The following IL7 variants were observed in gnomAD, a reference collection of about 807,000 sequenced individuals.
The protein encoded by IL7 is interleukin 7.
A neutral mutation model predicts 21.6 loss-of-function variants in IL7; 3 were observed. The ratio of observed to expected loss-of-function variants is 0.14; its 90% confidence interval spans 0.06 to 0.36. The LOEUF (loss-of-function observed/expected upper bound fraction) is 0.36, where lower values mean the gene tolerates loss of function less well. IL7 is among the 10% of genes least tolerant of loss of function. The pLI, the probability that IL7 is intolerant of heterozygous loss-of-function variation, is 1.00. For missense variants in IL7, 175 were observed against 200.2 expected, an observed-to-expected ratio of 0.87 and a Z score of 0.76; for synonymous variants, 62 against 68.1, an observed-to-expected ratio of 0.91 and a Z score of 0.44.
intron 3 of IL7, among the ~76,000 whole-genome samples, chr8:78,701,171 G>A (rs924880703): frequency 6.6e-6 from 1 of 152,104 alleles, no homozygotes; most frequent in Non-Finnish European, 1.5e-5. Flanking sequence ...ATTTCTTTGA[G>A]CATTGGCTTG....
At chr8:78,783,011 C>G (rs1813391389) in intron 2 of IL7, among the ~76,000 whole-genome samples, 1 of 150,080 alleles carries the variant, frequency 6.7e-6, no homozygotes, top group African/African-American at 2.5e-5. Flanking sequence ...CCTCCTGGAT[C>G]TGAACCACCC....
chr8:78,800,363 T>G (rs1412567433), intron 1 of IL7, among the ~76,000 whole-genome samples: 1 of 152,132 alleles, frequency 6.6e-6, no homozygotes, highest in South Asian at 2.1e-4. Context: ...AGTGGCATGA[T>G]CATAGCTCAC....
rs531145586 is a variant in IL7 at position 78,790,875 on chromosome 8, G to A, written c.147+7197C>T. Reference sequence around the variant, plus strand: ...CACAAGCATTTTTAAACATTATTACGAAAATGATGGTCCCAAATTAGTTTA... The same window carrying A: ...CACAAGCATTTTTAAACATTATTACAAAAATGATGGTCCCAAATTAGTTTA... On this transcript the variant is annotated intron_variant, in intron 2 of 5. Transcript: ENST00000263851. 3.5e-4 allele frequency among the ~76,000 whole-genome samples: 52 copies of A among 150,704 alleles called. 1 individual carries two copies. The South Asian group carries it at 0.01, about 30-fold the overall frequency.
intron 4 of IL7, among the ~76,000 whole-genome samples, chr8:78,681,901 C>CTTTTTTTTTTTTT (rs56181953): frequency 3.2e-5 from 4 of 126,464 alleles, no homozygotes; most frequent in Non-Finnish European, 5.1e-5. Flanking sequence ...CTTTTTCTTT[C>CTTTTTTTTTTTTT]TTTTTTTTTT....
intron 4 of IL7, chr8:78,678,879 G>C: frequency 3.0e-6 from 1 of 331,674 alleles, no homozygotes; most frequent in Non-Finnish European, 5.3e-6. Context: ...TAAAAAATAA[G>C]CTTCTAAACT....
chr8:78,689,671 T>C (rs1281881354), intron 3 of IL7, among the ~76,000 whole-genome samples: 2 of 151,976 alleles, frequency 1.3e-5, no homozygotes, highest in Non-Finnish European at 2.9e-5. Flanking sequence ...TGTATACATG[T>C]TTTTAGATTA....
rs1811481829 is a variant in IL7 at position 78,733,636 on chromosome 8, T to C, written c.*77A>G. On this transcript the variant is annotated 3_prime_UTR_variant, in exon 6 of 6. Coordinates refer to ENST00000263851, the MANE Select transcript of IL7 (RefSeq NM_000880.4). ...GTAACTTCTAGGAAGCATTCCACTC[T>C]GAAAAACTGCATAAGCAGATAGATT... The C allele has an allele frequency of 6.7e-7, 1 of 1,495,144 alleles. No individual in the cohort carries two copies. The highest frequency in any genetic ancestry group is 9.0e-7 in the Non-Finnish European group (1 of 1,106,288). 92.6% of individuals were successfully genotyped at this position (1,495,144 alleles called of 1,614,324 possible).
intron 2 of IL7, among the ~76,000 whole-genome samples, chr8:78,779,221 C>T (rs1375930022): frequency 6.6e-6 from 1 of 152,094 alleles, no homozygotes; most frequent in Non-Finnish European, 1.5e-5. Context: ...TATTTGCCTA[C>T]CTTTATTTGT....
intron 1 of IL7, among the ~76,000 whole-genome samples, chr8:78,799,574 A>G (rs1586118400): frequency 6.6e-6 from 1 of 152,270 alleles, no homozygotes; most frequent in Non-Finnish European, 1.5e-5. Flanking sequence ...CTTAGGAGAC[A>G]GATAATGATG....
intron 2 of IL7, among the ~76,000 whole-genome samples, chr8:78,741,648 C>T (rs1290406944): frequency 5.9e-5 from 9 of 152,140 alleles, no homozygotes; most frequent in African/African-American, 2.2e-4. Flanking sequence ...TTATTTTTGG[C>T]AGATCCACAG....
At chr8:78,739,775 G>GT (rs1466846001) in intron 3 of IL7, among the ~76,000 whole-genome samples, 2 of 151,342 alleles carry the variant, frequency 1.3e-5, no homozygotes, top group Non-Finnish European at 3.0e-5. Context: ...TATTTTCAAG[G>GT]TAAAAAATAG....
chr8:78,682,196 C>T (rs972639494), intron 4 of IL7, among the ~76,000 whole-genome samples: 8 of 152,054 alleles, frequency 5.3e-5, no homozygotes, highest in Non-Finnish European at 8.8e-5. Flanking sequence ...GTGGAGGACA[C>T]TAGAGGCAGT....
chr8:78,798,026 T>A (rs774566088), intron 2 of IL7, 46 bp downstream of exon 2: 1 of 1,521,254 alleles, frequency 6.6e-7, no homozygotes, highest in Non-Finnish European at 8.9e-7. Flanking sequence ...AAGGTTCAAA[T>A]TTTCCCAATG....
intron 3 of IL7, among the ~76,000 whole-genome samples, chr8:78,739,542 A>G (rs1310353976): frequency 6.6e-6 from 1 of 152,090 alleles, no homozygotes; most frequent in African/African-American, 2.4e-5. Flanking sequence ...AAATACAAAA[A>G]TTAGTTGGGT....
Position 78,790,068 on chromosome 8 carries a change from C to A in IL7, c.147+8004G>T, listed in dbSNP as rs185039669. ...AAGACAGAAGTTGAATCTGTGAAAG[C>A]CTCTGGAATAGAGTCACAGTTAAAG... On this transcript the variant is annotated intron_variant, in intron 2 of 5. Transcript: ENST00000263851. Among the ~76,000 whole-genome samples the A allele has an allele frequency of 9.2e-3, 1,396 of 152,122 alleles. 23 individuals carry two copies. The highest frequency in any genetic ancestry group is 0.031 in the African/African-American group (1,302 of 41,506).
chr8:78,735,556 C>T (rs1261859607), intron 5 of IL7, among the ~76,000 whole-genome samples: 1 of 152,034 alleles, frequency 6.6e-6, no homozygotes, highest in Non-Finnish European at 1.5e-5. Context: ...GATCCGCCCA[C>T]CTCGGACCCC....
intron 3 of IL7, among the ~76,000 whole-genome samples, chr8:78,705,606 A>G (rs1259600616): frequency 6.6e-6 from 1 of 152,076 alleles, no homozygotes; most frequent in Non-Finnish European, 1.5e-5. Context: ...TTATGGGACC[A>G]CTGTGGTGTG....
intron 3 of IL7, among the ~76,000 whole-genome samples, chr8:78,691,847 C>T (rs1381296395): frequency 6.6e-6 from 1 of 152,012 alleles, no homozygotes; most frequent in Non-Finnish European, 1.5e-5. Context: ...ATAGGCCTAT[C>T]AGTACTCTTG....
At chr8:78,686,395 G>A in intron 3 of IL7, 1 of 1,138,828 alleles carries the variant, frequency 8.8e-7, no homozygotes, top group Non-Finnish European at 1.1e-6. Context: ...GGAATTATCT[G>A]ATGTTTTATT....
Sources: gnomAD v4.1 joint callset for allele counts (sites outside exome capture counted in the v4.1 genomes callset) on GRCh38, gnomAD v4.1.1 for gene constraint, MANE v1.5 for transcripts, NCBI Gene and HGNC (gene_info 2026-07-23, HGNC 2026-07-21) for gene names.